Variants in PTPRK observed in about 807,000 individuals in gnomAD.
PTPRK encodes the protein receptor-type tyrosine-protein phosphatase kappa.
PTPRK carries 75 observed loss-of-function variants against 178.0 expected under a neutral mutation model. The observed-to-expected ratio is 0.42, with a 90% CI of 0.35 to 0.51. The LOEUF (loss-of-function observed/expected upper bound fraction) is 0.51, where lower values mean the gene tolerates loss of function less well. Ranked by LOEUF, PTPRK falls within the 20% of genes least tolerant of loss-of-function variation. PTPRK has a pLI of 0.02. For missense variants in PTPRK, 1,441 were observed against 1,797.8 expected, an observed-to-expected ratio of 0.80 and a Z score of 3.59; for synonymous variants, 637 against 620.6, an observed-to-expected ratio of 1.03 and a Z score of -0.39.
chr6:128,144,556 T>C (rs940617156), intron 7 of PTPRK, among the ~76,000 whole-genome samples: 12 of 152,186 alleles, frequency 7.9e-5, no homozygotes, highest in African/African-American at 2.9e-4. Context: ...CTGACCACTT[T>C]ATCTTCTTTC....
chr6:128,489,829 A>T (rs995505114), intron 1 of PTPRK, among the ~76,000 whole-genome samples: 1 of 152,164 alleles, frequency 6.6e-6, no homozygotes, highest in Admixed American at 6.5e-5. Context: ...TCCCAGATCA[A>T]CCCTAATGTA....
chr6:128,039,439 A>G (rs1037856979), intron 13 of PTPRK, among the ~76,000 whole-genome samples: 4 of 152,208 alleles, frequency 2.6e-5, no homozygotes, highest in Admixed American at 6.6e-5. Flanking sequence ...AAGTAAATAT[A>G]TAACGAATGC....
chr6:128,375,752 G>T (rs1836984622), intron 2 of PTPRK, among the ~76,000 whole-genome samples: 1 of 152,146 alleles, frequency 6.6e-6, no homozygotes, highest in Non-Finnish European at 1.5e-5. Flanking sequence ...TCAAAAGCAA[G>T]TTAGTTACTT....
chr6:128,345,030 GTGA>G (rs1832227587), intron 2 of PTPRK, among the ~76,000 whole-genome samples: 2 of 68,940 alleles, frequency 2.9e-5, no homozygotes, highest in Non-Finnish European at 5.5e-5. Flanking sequence ...TATAAGCCAG[GTGA>G]TTTTTTTTTT....
intron 1 of PTPRK, among the ~76,000 whole-genome samples, chr6:128,500,163 T>C (rs892105119): frequency 1.3e-5 from 2 of 152,230 alleles, no homozygotes; most frequent in South Asian, 2.1e-4. Flanking sequence ...CTGATGCTCA[T>C]GTATTGTTGT....
chr6:128,398,946 A>T (rs1840687102), intron 1 of PTPRK, among the ~76,000 whole-genome samples: 1 of 152,164 alleles, frequency 6.6e-6, no homozygotes, highest in South Asian at 2.1e-4. Context: ...GGCACACACG[A>T]CTCAACATAT....
At chr6:128,491,027 A>T (rs1182928432) in intron 1 of PTPRK, among the ~76,000 whole-genome samples, 4 of 152,214 alleles carry the variant, frequency 2.6e-5, no homozygotes, top group African/African-American at 9.6e-5. Context: ...TAGGGCTTCA[A>T]CATATGAATT....
At chr6:128,037,977 A>T (rs905099082) in intron 13 of PTPRK, among the ~76,000 whole-genome samples, 1 of 152,192 alleles carries the variant, frequency 6.6e-6, no homozygotes, top group African/African-American at 2.4e-5. Flanking sequence ...ATGTGGTTTT[A>T]ACACTGATTT....
rs555297569 is a variant in PTPRK, at chr6:128,197,077, G to A, written c.869-12352C>T. Among the ~76,000 whole-genome samples the A allele has an allele frequency of 1.6e-4, 25 of 152,090 alleles. No homozygotes were observed. In the South Asian group the frequency reaches 5.0e-3, roughly 30 times the overall value. ...TTGGTATGAAATTTTGTAAAATGAT[G>A]CACTAATATAAGTTGATAGCTGAGA... On this transcript the variant is annotated intron_variant, in intron 6 of 29. Coordinates refer to ENST00000368226, the MANE Select transcript of PTPRK (RefSeq NM_002844.4).
intron 1 of PTPRK, among the ~76,000 whole-genome samples, chr6:128,427,478 T>C (rs1157635665): frequency 6.6e-6 from 1 of 152,218 alleles, no homozygotes; most frequent in East Asian, 1.9e-4. Flanking sequence ...GTGCCATTGC[T>C]GACAATCAGA....
chr6:128,185,847 G>A (rs975274780), intron 6 of PTPRK, among the ~76,000 whole-genome samples: 2 of 152,038 alleles, frequency 1.3e-5, no homozygotes, highest in African/African-American at 4.8e-5. Context: ...CAATGGCAAT[G>A]CATTGCATGA....
rs374784223 is a variant in PTPRK at position 128,259,049 on chromosome 6, GGTAATAAGGGAA to G, written c.496-16459_496-16448del. On this transcript the variant is annotated intron_variant, in intron 3 of 29. Transcript: ENST00000368226. ...GCTGTGAGGAGAAGAGCCTCAGAGA[GGTAATAAGGGAA>G]GCTGGGAGAAGTGTGGGGAGGTCCA... is the stretch of plus-strand genomic sequence containing the variant. 6.7e-3 allele frequency among the ~76,000 whole-genome samples: 1,021 copies of G among 152,240 alleles called. 16 individuals carry two copies. The highest frequency in any genetic ancestry group is 0.023 in the African/African-American group (970 of 41,552).
intron 14 of PTPRK, 122 bp downstream of exon 14, chr6:128,009,008 T>G: frequency 1.2e-6 from 1 of 849,382 alleles, no homozygotes; most frequent in Non-Finnish European, 1.7e-6. Flanking sequence ...CTGACAACAT[T>G]GTTAAAATTA....
At chr6:128,376,751 G>A (rs921703045) in intron 2 of PTPRK, among the ~76,000 whole-genome samples, 2 of 152,068 alleles carry the variant, frequency 1.3e-5, no homozygotes, top group African/African-American at 4.8e-5. Context: ...AGTCACTCTT[G>A]AATGCTTTGC....
In PTPRK at chr6:128,141,305, G is replaced by T. The variant is rs150946589; in HGVS notation, c.1162+43127C>A. On this transcript the variant is annotated intron_variant, in intron 7 of 29. Transcript: ENST00000368226. ...CTTGACCAAGAAACATAAAATTTCA[G>T]TACAAATTATTGACAAATAATAATA... is the stretch of plus-strand genomic sequence containing the variant. 5.0e-3 allele frequency among the ~76,000 whole-genome samples: 760 copies of T among 151,798 alleles called. 2 individuals carry two copies. The highest frequency in any genetic ancestry group is 0.018 in the African/African-American group (737 of 41,450).
chr6:128,368,151 A>G (rs1239310610), intron 2 of PTPRK, among the ~76,000 whole-genome samples: 1 of 152,160 alleles, frequency 6.6e-6, no homozygotes, highest in Non-Finnish European at 1.5e-5. Context: ...AAATATAGAC[A>G]TGAAAAGCAA....
chr6:128,002,637 T>C (rs963182628), intron 15 of PTPRK, among the ~76,000 whole-genome samples: 16 of 151,982 alleles, frequency 1.1e-4, no homozygotes, highest in African/African-American at 3.9e-4. Context: ...TCTAAATTTC[T>C]TGAAAGATAA....
At chr6:128,314,273 C>T (rs1169211626) in intron 3 of PTPRK, among the ~76,000 whole-genome samples, 1 of 152,086 alleles carries the variant, frequency 6.6e-6, no homozygotes, top group Non-Finnish European at 1.5e-5. Context: ...ATTTTCTCCC[C>T]CACTGGCTCT....
At chr6:128,380,527 T>C (rs1358162353) in intron 2 of PTPRK, among the ~76,000 whole-genome samples, 1 of 104,902 alleles carries the variant, frequency 9.5e-6, no homozygotes. Context: ...CACACCTTCC[T>C]ACACACAGAC....
Sources: allele counts gnomAD v4.1 joint callset (sites outside exome capture counted in the v4.1 genomes callset), GRCh38; gene constraint gnomAD v4.1.1; transcripts MANE v1.5; gene names NCBI Gene and HGNC (gene_info 2026-07-23, HGNC 2026-07-21).